Variants in LRRC7 observed in about 807,000 individuals in gnomAD.
LRRC7 encodes leucine rich repeat containing 7.
Under a neutral mutation model 175.7 loss-of-function variants are expected in LRRC7, and 23 were observed. The ratio of observed to expected loss-of-function variants is 0.13; its 90% CI spans 0.09 to 0.19. LRRC7 has a LOEUF of 0.19. LRRC7 is among the 10% of genes least tolerant of loss of function. LRRC7 has a pLI of 1.00. For synonymous variants in LRRC7, 685 were observed against 680.9 expected, an observed-to-expected ratio of 1.01 and a Z score of -0.09; for missense variants, 1,354 against 1,904.7, an observed-to-expected ratio of 0.71 and a Z score of 5.38.
At chr1:69,801,589 A>T (rs1213111499) in intron 4 of LRRC7, among the ~76,000 whole-genome samples, 1 of 151,482 alleles carries the variant, frequency 6.6e-6, no homozygotes, top group Non-Finnish European at 1.5e-5. Flanking sequence ...GATTGTGTTT[A>T]TTTGGATCTT....
At chr1:70,063,550 C>T (rs1661741168) in intron 23 of LRRC7, among the ~76,000 whole-genome samples, 1 of 152,004 alleles carries the variant, frequency 6.6e-6, no homozygotes, top group Non-Finnish European at 1.5e-5. Context: ...CATAACATGA[C>T]AGCTGGCAGA....
At chr1:69,803,872 A>G (rs1372871287) in intron 4 of LRRC7, among the ~76,000 whole-genome samples, 1 of 151,212 alleles carries the variant, frequency 6.6e-6, no homozygotes, top group Non-Finnish European at 1.5e-5. Flanking sequence ...CATTCCTAAC[A>G]TTGTTTCACA....
chr1:69,811,312 A>G (rs1677830386), intron 4 of LRRC7, among the ~76,000 whole-genome samples: 1 of 152,186 alleles, frequency 6.6e-6, no homozygotes, highest in South Asian at 2.1e-4. Flanking sequence ...ATGCTCTTAC[A>G]CTGTTGGTGG....
intron 1 of LRRC7, among the ~76,000 whole-genome samples, chr1:69,608,889 TATATATATATAC>T (rs1296496297): frequency 2.0e-3 from 268 of 135,086 alleles, no homozygotes; most frequent in African/African-American, 7.2e-3. Flanking sequence ...TATATATATA[TATATATATATAC>T]ACACACACAC....
chr1:69,719,888 C>G (rs569878708), intron 2 of LRRC7, among the ~76,000 whole-genome samples: 7 of 151,618 alleles, frequency 4.6e-5, no homozygotes, highest in African/African-American at 1.7e-4. Flanking sequence ...TCTAATAATG[C>G]CTTTTGCTTT....
intron 14 of LRRC7, among the ~76,000 whole-genome samples, chr1:70,017,279 A>AG (rs1358770061): frequency 6.6e-6 from 1 of 152,098 alleles, no homozygotes; most frequent in East Asian, 1.9e-4. Context: ...AAAAAAAAAA[A>AG]AAGGAATTTG....
chr1:69,980,231 G>C (rs889747519), intron 8 of LRRC7, 148 bp from the exon 9 acceptor site: 5 of 675,868 alleles, frequency 7.4e-6, no homozygotes, highest in Non-Finnish European at 1.0e-5. Context: ...TTTCCTAGAG[G>C]TCTGTTAAAG....
intron 2 of LRRC7, among the ~76,000 whole-genome samples, chr1:69,711,715 T>C (rs1664770252): frequency 6.6e-6 from 1 of 152,180 alleles, no homozygotes. Context: ...CAACACTTGA[T>C]AAATATTACA....
intron 7 of LRRC7, among the ~76,000 whole-genome samples, chr1:69,842,025 G>C (rs758202133): frequency 6.6e-6 from 1 of 151,904 alleles, no homozygotes; most frequent in South Asian, 2.1e-4. Context: ...TTCAAGTTAG[G>C]CATAATAGTT....
At chr1:69,617,547 TAAAAAAAAAA>T (rs11473590) in intron 1 of LRRC7, among the ~76,000 whole-genome samples, 9 of 62,008 alleles carry the variant, frequency 1.5e-4, no homozygotes, top group East Asian at 4.8e-4. Flanking sequence ...ATACTCACAG[TAAAAAAAAAA>T]AAAAAAAAAA....
At chr1:69,859,926 G>C (rs1354876725) in intron 7 of LRRC7, among the ~76,000 whole-genome samples, 1 of 151,852 alleles carries the variant, frequency 6.6e-6, no homozygotes, top group Non-Finnish European at 1.5e-5. Context: ...GTATTAGTAA[G>C]TTAAATTGAA....
chr1:69,789,241 AG>A (rs1254495938), intron 3 of LRRC7, among the ~76,000 whole-genome samples: 5 of 152,120 alleles, frequency 3.3e-5, no homozygotes, highest in Non-Finnish European at 5.9e-5. Context: ...AGAACACTTT[AG>A]TACCCAAATA....
At chr1:69,834,172 A>C (rs1163906630) in intron 5 of LRRC7, among the ~76,000 whole-genome samples, 1 of 152,086 alleles carries the variant, frequency 6.6e-6, no homozygotes, top group Non-Finnish European at 1.5e-5. Context: ...ATGATTGTCT[A>C]ATTATCTTTT....
chr1:69,709,793 T>C (rs192601251), intron 2 of LRRC7, among the ~76,000 whole-genome samples: 5 of 152,330 alleles, frequency 3.3e-5, no homozygotes, highest in Non-Finnish European at 5.9e-5. Context: ...GTATGAGTTA[T>C]AGTTTGTAAT....
Position 69,893,410 on chromosome 1 carries a change from A to G in LRRC7, c.648-38097A>G, listed in dbSNP as rs1456925027. 3.9e-5 allele frequency among the ~76,000 whole-genome samples: 6 copies of G among 152,226 alleles called. No homozygotes were observed. The East Asian group carries it at 1.2e-3, about 29-fold the overall frequency. On this transcript the variant is annotated intron_variant, in intron 7 of 26. Transcript: ENST00000651989. ...AACTACGCATTAACCTCGTAAGAGG[A>G]GCATAAAAATATTTCCCATTCAACT...
Position 69,879,212 on chromosome 1 carries a change from T to TAAAAAAAAAAAAAAA in LRRC7, c.647+40939_647+40953dup, listed in dbSNP as rs201332183. Reference sequence around the variant, plus strand: ...TTTTGCTGTAAACCTAAAACTGCTTTAAAAAAAAAAAAAAAAAAAAAAAAG... The same window carrying TAAAAAAAAAAAAAAA: ...TTTTGCTGTAAACCTAAAACTGCTTTAAAAAAAAAAAAAAAAAAAAAAAAAAAAAAAAAAAAAAAG... On this transcript the variant is annotated intron_variant, in intron 7 of 26. Coordinates refer to ENST00000651989, the MANE Select transcript of LRRC7 (RefSeq NM_001370785.2). 1.5e-3 allele frequency among the ~76,000 whole-genome samples: 141 copies of TAAAAAAAAAAAAAAA among 91,940 alleles called. 11 individuals carry two copies. Among genetic ancestry groups the TAAAAAAAAAAAAAAA allele is most frequent in the African/African-American group, 6.9e-3 (132 of 19,166 alleles). The allele number at this position is 91,940 out of a possible 152,430, so 60.3% of individuals were successfully genotyped here. A position where few individuals can be genotyped will look rare whatever the true frequency, so the allele number is the denominator to read the frequency against.
chr1:69,617,547 T>TAAAAAAAAAAAAAAA lies in LRRC7; in HGVS notation c.2+48917_2+48931dup, dbSNP rs11473590. Among the ~76,000 whole-genome samples the TAAAAAAAAAAAAAAA allele has an allele frequency of 5.6e-4, 35 of 62,004 alleles. 1 individual carries two copies. The highest frequency in any genetic ancestry group is 1.2e-3 in the African/African-American group (19 of 16,446). 40.7% of individuals were successfully genotyped at this position (62,004 alleles called of 152,430 possible). A position where few individuals can be genotyped will look rare whatever the true frequency, so the allele number is the denominator to read the frequency against. ...GCTGAAGGTTGTTATATACTCACAGTAAAAAAAAAAAAAAAAAAAAAAAAA... is the reference window on the plus strand; with the variant it reads ...GCTGAAGGTTGTTATATACTCACAGTAAAAAAAAAAAAAAAAAAAAAAAAAAAAAAAAAAAAAAAA... On this transcript the variant is annotated intron_variant, in intron 1 of 26. Transcript: ENST00000651989.
At position 69,663,700 on chromosome 1, in the gene LRRC7, A is replaced by ATTTTTTTTTTTTTT. The variant is rs552339451; in HGVS notation, c.3-14662_3-14649dup. ...TGTCTCCATTAGTTCAATCGTTTTA[A>ATTTTTTTTTTTTTT]TTTTTTTTTTTTTTTTTTTTTTTTT... On this transcript the variant is annotated intron_variant, in intron 1 of 26. Transcript: ENST00000651989. 7.4e-5 allele frequency among the ~76,000 whole-genome samples: 5 copies of ATTTTTTTTTTTTTT among 67,724 alleles called. 1 individual carries two copies. Among genetic ancestry groups the ATTTTTTTTTTTTTT allele is most frequent in the Non-Finnish European group, 1.0e-4 (4 of 39,550 alleles). The allele number at this position is 67,724 out of a possible 152,430, so 44.4% of individuals were successfully genotyped here.
At chr1:69,656,559 GGGAACC>G (rs1311708441) in intron 1 of LRRC7, among the ~76,000 whole-genome samples, 3 of 151,818 alleles carry the variant, frequency 2.0e-5, no homozygotes, top group African/African-American at 7.3e-5. Flanking sequence ...ACATATTTTG[GGGAACC>G]TTCTCTGAAA....
Sources: gnomAD v4.1 joint callset for allele counts (sites outside exome capture counted in the v4.1 genomes callset) on GRCh38, gnomAD v4.1.1 for gene constraint, MANE v1.5 for transcripts, NCBI Gene and HGNC (gene_info 2026-07-23, HGNC 2026-07-21) for gene names.